Variants in PGBD5 observed in about 807,000 individuals in gnomAD.
PGBD5 encodes piggyBac transposable element derived 5, also known as piggyBac transposable element-derived protein 5.
Under a neutral mutation model 47.9 loss-of-function variants are expected in PGBD5, and 14 were observed. That is an observed-to-expected ratio of 0.29 (90% confidence interval 0.19 to 0.46). The LOEUF is 0.46. Among genes scored for constraint, PGBD5 ranks in the 20% least tolerant of loss-of-function variants. PGBD5 has a pLI of 1.00. For missense variants in PGBD5, 635 were observed against 716.0 expected, an observed-to-expected ratio of 0.89 and a Z score of 1.29; for synonymous variants, 316 against 306.3, an observed-to-expected ratio of 1.03 and a Z score of -0.33.
chr1:230,412,389 T>C (rs1012033190), intron 1 of PGBD5, among the ~76,000 whole-genome samples: 1 of 102,572 alleles, frequency 9.7e-6, no homozygotes, highest in Non-Finnish European at 2.1e-5. Context: ...CCTAAAGTCT[T>C]TTTTTTTTTT....
At chr1:230,399,583 T>C (rs148130261) in intron 1 of PGBD5, among the ~76,000 whole-genome samples, 4 of 152,322 alleles carry the variant, frequency 2.6e-5, no homozygotes, top group East Asian at 1.9e-4. Context: ...ATGGACCACG[T>C]AGAGCCAGCC....
At chr1:230,379,447 A>G (rs1668060016) in intron 1 of PGBD5, among the ~76,000 whole-genome samples, 1 of 152,182 alleles carries the variant, frequency 6.6e-6, no homozygotes, top group Non-Finnish European at 1.5e-5. Context: ...TGTTTCCATC[A>G]TTATTAGAAT....
intron 1 of PGBD5, among the ~76,000 whole-genome samples, chr1:230,363,929 A>G (rs904989134): frequency 6.6e-6 from 1 of 152,260 alleles, no homozygotes; most frequent in Non-Finnish European, 1.5e-5. Flanking sequence ...TGCCAGCTGC[A>G]GCTGGTACTT....
chr1:230,339,142 G>A (rs1667371906), intron 3 of PGBD5, among the ~76,000 whole-genome samples: 1 of 152,218 alleles, frequency 6.6e-6, no homozygotes, highest in Admixed American at 6.5e-5. Flanking sequence ...TGCATCTGAA[G>A]AACTGCAACG....
Position 230,366,720 on chromosome 1 carries a change from G to A in PGBD5, c.332-9399C>T, listed in dbSNP as rs74369472. The stretch of plus-strand genomic sequence containing the variant: ...TTCACAGAGCTGGTGTGAGGATTAA[G>A]TGGGATGAGGTGGCTTGCATGGTGC... On this transcript the variant is annotated intron_variant, in intron 1 of 6. Coordinates refer to ENST00000391860, the MANE Select transcript of PGBD5 (RefSeq NM_001258311.2). Among the ~76,000 whole-genome samples, 341 of 152,250 alleles carry A rather than the reference G, an allele frequency of 2.2e-3. 8 individuals are homozygous for A. The East Asian group carries it at 0.057, about 25-fold the overall frequency.
intron 1 of PGBD5, among the ~76,000 whole-genome samples, chr1:230,388,065 G>C (rs928043035): frequency 8.5e-5 from 13 of 152,060 alleles, no homozygotes; most frequent in Non-Finnish European, 1.8e-4. Flanking sequence ...AGCAGCCCCC[G>C]CCAACCAATT....
At position 230,331,132 on chromosome 1, in the gene PGBD5, GC is replaced by G. The variant is rs755980291; in HGVS notation, c.1273+1711del. ...TCATCACTTAAAATAATTTGGTGGG[GC>G]TGGGCATGGTGGCTCATGCCTGTAC... On this transcript the variant is annotated intron_variant, in intron 5 of 6. Coordinates refer to ENST00000391860, the MANE Select transcript of PGBD5 (RefSeq NM_001258311.2). Among the ~76,000 whole-genome samples the G allele has an allele frequency of 9.5e-4, 145 of 152,254 alleles. 1 individual carries two copies. Among genetic ancestry groups the G allele is most frequent in the Non-Finnish European group, 1.4e-3 (97 of 68,022 alleles).
chr1:230,378,436 C>A (rs1419017646), intron 1 of PGBD5, among the ~76,000 whole-genome samples: 1 of 152,222 alleles, frequency 6.6e-6, no homozygotes, highest in Non-Finnish European at 1.5e-5. Context: ...CTCCCAGTTA[C>A]CTGGAGCCAC....
At chr1:230,350,338 GAGTATCATCACAAAA>G (rs968820809) in intron 3 of PGBD5, among the ~76,000 whole-genome samples, 1 of 152,166 alleles carries the variant, frequency 6.6e-6, no homozygotes, top group African/African-American at 2.4e-5. Flanking sequence ...CTTTTCCTGG[GAGTATCATCACAAAA>G]AGCAGAGCTC....
At chr1:230,420,439 G>T (rs934877562) in intron 1 of PGBD5, among the ~76,000 whole-genome samples, 3 of 152,134 alleles carry the variant, frequency 2.0e-5, no homozygotes, top group African/African-American at 4.8e-5. Context: ...TTTTTGATGT[G>T]GTTTGGCTCT....
intron 1 of PGBD5, chr1:230,362,335 GGCC>G (rs1558199922): frequency 3.7e-6 from 5 of 1,367,622 alleles, no homozygotes; most frequent in Non-Finnish European, 3.9e-6. Flanking sequence ...ATTATAGGGC[GGCC>G]GAGGCGTCGA....
chr1:230,358,153 C>T lies in PGBD5; in HGVS notation c.332-832G>A, dbSNP rs1667685747. 2.0e-5 allele frequency among the ~76,000 whole-genome samples: 3 copies of T among 152,146 alleles called. No homozygotes were observed. The South Asian group carries it at 6.2e-4, about 31-fold the overall frequency. ...GACAGCAGTGCACAGCCCCTCCTGT[C>T]TCCCGCCACGCCATCACACAGGGCT... On this transcript the variant is annotated intron_variant, in intron 1 of 6. Transcript: ENST00000391860.
intron 3 of PGBD5, among the ~76,000 whole-genome samples, chr1:230,348,788 A>C (rs550722109): frequency 1.3e-5 from 2 of 152,180 alleles, no homozygotes; most frequent in East Asian, 3.9e-4. Flanking sequence ...GAACAAAGAG[A>C]GGGACTGCGG....
intron 1 of PGBD5, among the ~76,000 whole-genome samples, chr1:230,394,937 C>T (rs993774104): frequency 1.4e-5 from 2 of 139,668 alleles, no homozygotes; most frequent in African/African-American, 2.7e-5. Context: ...CTCTCCTCCA[C>T]TCACGCTCCT....
chr1:230,396,309 C>T lies in PGBD5; in HGVS notation c.331+29289G>A, dbSNP rs1043612134. 1.3e-4 allele frequency among the ~76,000 whole-genome samples: 15 copies of T among 114,910 alleles called. No individual in the cohort carries two copies. The South Asian group carries it at 2.8e-3, about 21-fold the overall frequency. The allele number at this position is 114,910 out of a possible 152,430, so 75.4% of individuals were successfully genotyped here. ...TTCCCTTTTACCCCCACACTCCTCC[C>T]TTTTACCCCACACTCCTTCTCCTCT... On this transcript the variant is annotated intron_variant, in intron 1 of 6. Coordinates refer to ENST00000391860, the MANE Select transcript of PGBD5 (RefSeq NM_001258311.2).
chr1:230,333,121 G>A (rs1249437731), intron 4 of PGBD5, 80 bp from the exon 5 acceptor site: 2 of 1,434,250 alleles, frequency 1.4e-6, no homozygotes, highest in Admixed American at 2.0e-5. Flanking sequence ...GCACCCCCAA[G>A]GAAAGGACGG....
chr1:230,342,151 A>G (rs766179612), intron 3 of PGBD5, among the ~76,000 whole-genome samples: 2 of 152,084 alleles, frequency 1.3e-5, no homozygotes, highest in Non-Finnish European at 1.5e-5. Flanking sequence ...CAACTTCTCA[A>G]AAGAACAGTA....
At chr1:230,351,737 AAC>A (rs1667563367) in intron 2 of PGBD5, among the ~76,000 whole-genome samples, 1 of 152,180 alleles carries the variant, frequency 6.6e-6, no homozygotes, top group African/African-American at 2.4e-5. Flanking sequence ...GGCCTGTTGC[AAC>A]ACACAGCCTC....
intron 1 of PGBD5, among the ~76,000 whole-genome samples, chr1:230,384,779 T>C (rs1656594714): frequency 6.6e-6 from 1 of 152,176 alleles, no homozygotes; most frequent in Admixed American, 6.5e-5. Context: ...TTCTCTGCAC[T>C]CAGGTGCTTA....
Sources: gnomAD v4.1 joint callset for allele counts (sites outside exome capture counted in the v4.1 genomes callset) on GRCh38, gnomAD v4.1.1 for gene constraint, MANE v1.5 for transcripts, NCBI Gene and HGNC (gene_info 2026-07-23, HGNC 2026-07-21) for gene names.